The following MAST2 variants were observed in gnomAD, a reference collection of about 807,000 sequenced individuals.
MAST2 encodes the protein microtubule-associated serine/threonine-protein kinase 2.
A neutral mutation model predicts 147.4 loss-of-function variants in MAST2; 70 were observed. That is an observed-to-expected ratio of 0.47 (90% CI 0.39 to 0.58). The LOEUF is 0.58. MAST2 is among the 20% of genes least tolerant of loss of function. The probability of loss-of-function intolerance (pLI) is 0.00; values close to 1 mark genes in which losing one functional copy is unlikely to be tolerated. For missense variants in MAST2, 2,080 were observed against 2,302.3 expected (o/e 0.90, Z 1.98); for synonymous variants, 869 against 896.8 (o/e 0.97, Z 0.55).
chr1:45,884,530 C>T (rs951174330), intron 4 of MAST2, among the ~76,000 whole-genome samples: 3 of 151,890 alleles, frequency 2.0e-5, no homozygotes, highest in Non-Finnish European at 2.9e-5. Context: ...CCAGCCTGGG[C>T]GACAGAGTGA....
rs754097623 is a variant in MAST2 at position 46,030,597 on chromosome 1, G to A, written c.2554-10G>A. The stretch of plus-strand genomic sequence containing the variant: ...AGAGCCCATCCCCAGCGCATCCCCT[G>A]TGCCCACAGGTGTACAGCAGCATGG... On this transcript the variant is annotated splice_polypyrimidine_tract_variant and intron_variant, in intron 21 of 28. Coordinates refer to ENST00000361297, the MANE Select transcript of MAST2 (RefSeq NM_015112.3). The A allele has an allele frequency of 1.3e-6, 2 of 1,598,242 alleles. No homozygotes were observed. Among genetic ancestry groups the A allele is most frequent in the Non-Finnish European group, 1.7e-6 (2 of 1,175,392 alleles).
At chr1:45,872,085 C>T (rs1432391711) in intron 3 of MAST2, among the ~76,000 whole-genome samples, 1 of 152,194 alleles carries the variant, frequency 6.6e-6, no homozygotes, top group Non-Finnish European at 1.5e-5. Context: ...AATTCTCTAT[C>T]CACTTCCAAT....
At chr1:45,904,528 C>T (rs936697611) in intron 4 of MAST2, among the ~76,000 whole-genome samples, 3 of 151,230 alleles carry the variant, frequency 2.0e-5, no homozygotes, top group Admixed American at 6.6e-5. Flanking sequence ...GGTGCATTCG[C>T]GCAATCACAG....
At chr1:45,910,686 A>G (rs1366877685) in intron 4 of MAST2, among the ~76,000 whole-genome samples, 2 of 152,250 alleles carry the variant, frequency 1.3e-5, no homozygotes, top group Admixed American at 6.5e-5. Flanking sequence ...TTAGGAGACA[A>G]TACTTTCTTA....
chr1:46,012,121 G>C (rs1474037212), intron 10 of MAST2, among the ~76,000 whole-genome samples: 4 of 152,142 alleles, frequency 2.6e-5, no homozygotes. Context: ...ATCACTGGTA[G>C]CTGTTTGTTT....
chr1:45,978,898 A>G (rs1309155550), intron 5 of MAST2, among the ~76,000 whole-genome samples: 4 of 152,304 alleles, frequency 2.6e-5, no homozygotes, highest in East Asian at 1.9e-4. Context: ...ACAGGTATAG[A>G]TTCATTTTTG....
At chr1:45,978,530 GAA>G (rs1644267235) in intron 5 of MAST2, among the ~76,000 whole-genome samples, 1 of 151,928 alleles carries the variant, frequency 6.6e-6, no homozygotes, top group African/African-American at 2.4e-5. Flanking sequence ...AAGAAAGAAA[GAA>G]AATGCAAAAT....
At chr1:45,972,844 T>G (rs1397089525) in intron 5 of MAST2, among the ~76,000 whole-genome samples, 1 of 152,212 alleles carries the variant, frequency 6.6e-6, no homozygotes, top group Non-Finnish European at 1.5e-5. Context: ...TTCTTCTTCC[T>G]GTTCTAGTGG....
intron 4 of MAST2, among the ~76,000 whole-genome samples, chr1:45,892,983 G>A (rs574344562): frequency 1.3e-5 from 2 of 152,100 alleles, no homozygotes; most frequent in Admixed American, 6.6e-5. Context: ...TAATATTCTT[G>A]TGGTATTATA....
intron 5 of MAST2, 77 bp from the exon 6 acceptor site, chr1:45,997,647 T>C: frequency 1.0e-6 from 1 of 1,005,016 alleles, no homozygotes; most frequent in Non-Finnish European, 1.6e-6. Flanking sequence ...GCTAGGGGAA[T>C]ATTTCTTGCC....
intron 12 of MAST2, 80 bp downstream of exon 12, chr1:46,022,162 G>A: frequency 6.3e-7 from 1 of 1,576,186 alleles, no homozygotes; most frequent in Admixed American, 1.7e-5. Flanking sequence ...GCTTGGAAAA[G>A]AGACTTAGCT....
intron 4 of MAST2, among the ~76,000 whole-genome samples, chr1:45,909,670 C>G (rs1353093489): frequency 6.6e-6 from 1 of 151,814 alleles, no homozygotes; most frequent in Non-Finnish European, 1.5e-5. Flanking sequence ...GGCATGCGCC[C>G]CCACGCCCAG....
At chr1:46,017,706 T>C (rs1257926460) in intron 10 of MAST2, among the ~76,000 whole-genome samples, 7 of 152,046 alleles carry the variant, frequency 4.6e-5, no homozygotes, top group Non-Finnish European at 1.0e-4. Context: ...AGGAACACTT[T>C]TATACTGTTG....
intron 9 of MAST2, 60 bp downstream of exon 9, chr1:46,008,431 C>A: frequency 2.7e-6 from 3 of 1,095,080 alleles, no homozygotes; most frequent in Non-Finnish European, 4.2e-6. Context: ...CTACAGCCAG[C>A]CCCAATGGGA....
In MAST2 at chr1:45,926,471, T is replaced by G. The variant is rs573639199; in HGVS notation, c.501-32915T>G. On this transcript the variant is annotated intron_variant, in intron 4 of 28. Transcript: ENST00000361297. ...GCAGAAGCTCCATTACTGGCTTAGG[T>G]GAGGCAGTGGCAGCTGGGTGCCCTC... is the stretch of plus-strand genomic sequence containing the variant. Among the ~76,000 whole-genome samples the G allele has an allele frequency of 2.6e-5, 4 of 152,352 alleles. No individual in the cohort carries two copies. The East Asian group carries it at 7.7e-4, about 29-fold the overall frequency.
chr1:45,860,601 G>A (rs1645946900), intron 3 of MAST2, among the ~76,000 whole-genome samples: 1 of 152,040 alleles, frequency 6.6e-6, no homozygotes, highest in Non-Finnish European at 1.5e-5. Context: ...GGAGGCCAAG[G>A]CAGGCGGATC....
intron 4 of MAST2, among the ~76,000 whole-genome samples, chr1:45,890,308 T>TA (rs1647537009): frequency 6.6e-6 from 1 of 152,232 alleles, no homozygotes; most frequent in African/African-American, 2.4e-5. Flanking sequence ...TGTAACAAAA[T>TA]ACCACATGCT....
chr1:46,006,413 C>G lies in MAST2; in HGVS notation c.902+18C>G. The G allele has an allele frequency of 6.2e-7, 1 of 1,607,060 alleles. No homozygotes were observed. Among genetic ancestry groups the G allele is most frequent in the Non-Finnish European group, 8.5e-7 (1 of 1,175,862 alleles). ...AGCCTCAGGTGAGGGTGCTCTCTGC[C>G]CACTGTTCCAGTGCATGTGGATTTC... On this transcript the variant is annotated intron_variant, in intron 8 of 28. Coordinates refer to ENST00000361297, the MANE Select transcript of MAST2 (RefSeq NM_015112.3).
At chr1:45,945,499 AAACT>A (rs1449214448) in intron 4 of MAST2, among the ~76,000 whole-genome samples, 5 of 152,200 alleles carry the variant, frequency 3.3e-5, no homozygotes, top group Admixed American at 6.5e-5. Context: ...TGCCTCGTAG[AAACT>A]AACTGTGTTC....
Sources: allele counts gnomAD v4.1 joint callset (sites outside exome capture counted in the v4.1 genomes callset), GRCh38; gene constraint gnomAD v4.1.1; transcripts MANE v1.5; gene names NCBI Gene and HGNC (gene_info 2026-07-23, HGNC 2026-07-21).